The following IRF9 variants were observed in gnomAD, a reference collection of about 807,000 sequenced individuals.
IRF9 encodes interferon regulatory factor 9.
A neutral mutation model predicts 44.1 loss-of-function variants in IRF9; 13 were observed. That is an observed-to-expected ratio of 0.29 (90% CI 0.19 to 0.47). IRF9 has a LOEUF of 0.47. Among genes scored for constraint, IRF9 ranks in the 20% least tolerant of loss-of-function variants. IRF9 has a pLI of 1.00. For missense variants in IRF9, 373 were observed against 496.1 expected (o/e 0.75, Z 2.36); for synonymous variants, 189 against 188.5 (o/e 1.00, Z -0.02).
intron 2 of IRF9, 68 bp downstream of exon 2, chr14:24,162,392 C>T (rs764708328): frequency 2.0e-6 from 3 of 1,463,698 alleles, no homozygotes; most frequent in East Asian, 2.3e-5. Context: ...TACACTCATC[C>T]TCGAGCACTT....
intron 7 of IRF9, 110 bp from the exon 8 acceptor site, chr14:24,165,737 G>A: frequency 1.5e-6 from 1 of 688,582 alleles, no homozygotes; most frequent in Non-Finnish European, 2.5e-6. Context: ...TCCTGCTCTG[G>A]CAAGACCCCC....
Position 24,164,425 on chromosome 14 carries a change from A to G in IRF9, c.650-189A>G. 1.6e-6 allele frequency: 1 copy of G among 625,816 alleles called. No homozygotes were observed. Among genetic ancestry groups the G allele is most frequent in the Non-Finnish European group, 2.8e-6 (1 of 359,830 alleles). The allele number at this position is 625,816 out of a possible 1,614,324, so 38.8% of individuals were successfully genotyped here. A position where few individuals can be genotyped will look rare whatever the true frequency, so the allele number is the denominator to read the frequency against. On this transcript the variant is annotated intron_variant, in intron 6 of 8. Coordinates refer to ENST00000396864, the MANE Select transcript of IRF9 (RefSeq NM_006084.5). This position sits in a 1 kb window ranked among gnomAD's most constrained non-coding sequence, Gnocchi z 5.2. ...TCAAGGGACCTTCTAGTAAACTACAAGCCCCTGGGCATTGAGCCCTGAGGC... is the reference window on the plus strand; with the variant it reads ...TCAAGGGACCTTCTAGTAAACTACAGGCCCCTGGGCATTGAGCCCTGAGGC...
chr14:24,163,894 G>A lies in IRF9; in HGVS notation c.512G>A (p.Ser171Asn), dbSNP rs1193188177. 6.3e-6 allele frequency: 10 copies of A among 1,595,336 alleles called. No individual in the cohort carries two copies. The highest frequency in any genetic ancestry group is 7.7e-6 in the Non-Finnish European group (9 of 1,175,504). Residue 171 changes from serine (S) to asparagine (N), a missense_variant, in exon 5 of 9, where the codon AGT becomes AAT. By Grantham distance (46) the Ser-to-Asn change is conservative. Around this residue, in one of 2 missense-constraint regions of IRF9, gnomAD observed 227 missense variants for 255.3 expected, o/e 0.89. Transcript: ENST00000396864. ...TGTCCGCAGGAGGAGGAGGGGGCCA[G>A]TGGGGGAGCAGTCCATTCAGACATT... ...DSLNNEEEGA[S>N]GGAVHSDIGS...
Position 24,164,205 on chromosome 14 carries a change from T to G in IRF9, c.649+71T>G. On this transcript the variant is annotated intron_variant, in intron 6 of 8. Coordinates refer to ENST00000396864, the MANE Select transcript of IRF9 (RefSeq NM_006084.5). This position sits in a 1 kb window ranked among gnomAD's most constrained non-coding sequence, Gnocchi z 5.2. ...TCTTCCACCTTTGACTATGCATGCA[T>G]TATCTAGTCAGTCAGGGCTTACAGC... is the stretch of plus-strand genomic sequence containing the variant. 9.8e-6 allele frequency: 12 copies of G among 1,226,684 alleles called. No individual in the cohort carries two copies. Among genetic ancestry groups the G allele is most frequent in the Non-Finnish European group, 1.4e-5 (12 of 828,418 alleles). The allele number at this position is 1,226,684 out of a possible 1,614,324, so 76.0% of individuals were successfully genotyped here.
In IRF9 at chr14:24,164,127, A is replaced by G; in HGVS notation, c.642A>G (p.Pro214=). 1 of 1,614,100 alleles carries G rather than the reference A, an allele frequency of 6.2e-7. No individual in the cohort carries two copies. The highest frequency in any genetic ancestry group is 1.3e-5 in the African/African-American group (1 of 75,046). ...GGTCCCTGGAGTTTCTGCTTCCTCC[A>G]GAGCCAGGTACGTGGCATTTCTGAC... ...DQRSLEFLLP[P]EPDYSLLLTF... The change falls in exon 6 of 9, where the codon CCA becomes CCG. Residue 214 remains proline (P), a synonymous_variant. Coordinates refer to ENST00000396864, the MANE Select transcript of IRF9 (RefSeq NM_006084.5). The surrounding 1 kb of genome is among the most constrained non-coding windows in gnomAD (Gnocchi z 5.2).
intron 7 of IRF9, chr14:24,165,231 T>G: frequency 1.4e-6 from 1 of 702,076 alleles, no homozygotes; most frequent in Non-Finnish European, 2.6e-6. Flanking sequence ...ACCATCACAC[T>G]GAAGCATGCA....
In IRF9 at chr14:24,161,309, A is replaced by G. The variant is rs1437386806; in HGVS notation, c.-31A>G. 1 of 152,342 alleles carries G rather than the reference A, an allele frequency of 6.6e-6. No homozygotes were observed. Among genetic ancestry groups the G allele is most frequent in the African/African-American group, 2.4e-5 (1 of 41,464 alleles). 9.4% of individuals were successfully genotyped at this position (152,342 alleles called of 1,614,324 possible). A position where few individuals can be genotyped will look rare whatever the true frequency, so the allele number is the denominator to read the frequency against. On this transcript the variant is annotated 5_prime_UTR_variant, in exon 1 of 9. Transcript: ENST00000396864. Reference sequence around the variant, plus strand: ...CCAGGAGTTAAGCTGAGGTCGTCTGAGCCCTGCGACAGCCTGGACAGCAAC... The same window carrying G: ...CCAGGAGTTAAGCTGAGGTCGTCTGGGCCCTGCGACAGCCTGGACAGCAAC...
Position 24,162,151 on chromosome 14 carries a change from T to G in IRF9, c.7T>G (p.Ser3Ala), listed in dbSNP as rs757387116. Residue 3 changes from serine (S) to alanine (A), a missense_variant, in exon 2 of 9, where the codon TCA becomes GCA. Around this residue, in one of 2 missense-constraint regions of IRF9, gnomAD observed 227 missense variants for 255.3 expected, o/e 0.89. Transcript: ENST00000396864. ...GCTCCTATTATCCCCCAGGATGGCA[T>G]CAGGCAGGGCACGCTGCACCCGAAA... MASGRARCTRKLR... is the reference protein window; with the variant it reads MAAGRARCTRKLR... 9 of 1,613,888 alleles carry G rather than the reference T, an allele frequency of 5.6e-6. No homozygotes were observed. The highest frequency in any genetic ancestry group is 7.6e-6 in the Non-Finnish European group (9 of 1,179,872).
chr14:24,162,715 G>T (rs955793358), intron 2 of IRF9: 8 of 472,538 alleles, frequency 1.7e-5, no homozygotes, highest in African/African-American at 1.4e-4. Context: ...CAGGAGAATC[G>T]CTTGAACCAG....
Position 24,163,954 on chromosome 14 carries a change from A to G in IRF9, c.572A>G (p.Gln191Arg). The G allele has an allele frequency of 1.2e-6, 2 of 1,607,750 alleles. No individual in the cohort carries two copies. The highest frequency in any genetic ancestry group is 1.7e-6 in the Non-Finnish European group (2 of 1,177,726). Residue 191 changes from glutamine to arginine, a missense_variant, in exon 5 of 9, where the codon CAG (glutamine) becomes CGG (arginine). By Grantham distance (43) the Gln-to-Arg change is conservative (BLOSUM62 1). Transcript: ENST00000396864. ...AGCAGCAGCAGCAGCCCTGAGCCAC[A>G]GGAAGGTACCACCTGCCCTGCCTCT... is the stretch of plus-strand genomic sequence containing the variant. The part of the protein sequence containing the change: ...SSSSSSSPEP[Q>R]EVTDTTEAPF...
intron 1 of IRF9, 146 bp downstream of exon 1, chr14:24,161,484 T>TGAGA (rs1189176337): frequency 6.6e-6 from 1 of 152,542 alleles, no homozygotes; most frequent in African/African-American, 2.4e-5. Context: ...AGATTCAGCC[T>TGAGA]GAGAGTGAGA....
In IRF9 at chr14:24,164,654, G is replaced by C. The variant is rs1341660831; in HGVS notation, c.690G>C (p.Val230=). 11 of 1,612,322 alleles carry C rather than the reference G, an allele frequency of 6.8e-6. No individual in the cohort carries two copies. Among genetic ancestry groups the C allele is most frequent in the Non-Finnish European group, 7.6e-6 (9 of 1,178,914 alleles). ...LLLTFIYNGR[V]VGEAQVQSLD... Reference sequence around the variant, plus strand: ...TCACCTTCATCTACAACGGGCGCGTGGTGGGCGAGGCCCAGGTGCAAAGCC... The same window carrying C: ...TCACCTTCATCTACAACGGGCGCGTCGTGGGCGAGGCCCAGGTGCAAAGCC... The change falls in exon 7 of 9, where the codon GTG becomes GTC. Residue 230 remains valine, a synonymous_variant. Transcript: ENST00000396864. This position sits in a 1 kb window ranked among gnomAD's most constrained non-coding sequence, Gnocchi z 5.2.
At position 24,164,538 on chromosome 14, in the gene IRF9, G is replaced by T. The variant is rs1435693135; in HGVS notation, c.650-76G>T. ...CTGGCTGGTGTGGGGAGGGGAGGTGGAGTTGTTCCCCTGGGGAGGGGCTGC... is the reference window on the plus strand; with the variant it reads ...CTGGCTGGTGTGGGGAGGGGAGGTGTAGTTGTTCCCCTGGGGAGGGGCTGC... On this transcript the variant is annotated intron_variant, in intron 6 of 8. Transcript: ENST00000396864. This position sits in a 1 kb window ranked among gnomAD's most constrained non-coding sequence, Gnocchi z 5.2. 2.2e-6 allele frequency: 3 copies of T among 1,381,138 alleles called. No individual in the cohort carries two copies. The highest frequency in any genetic ancestry group is 3.0e-6 in the Non-Finnish European group (3 of 1,007,852). The allele number at this position is 1,381,138 out of a possible 1,614,324, so 85.6% of individuals were successfully genotyped here.
At chr14:24,166,052 G>A in intron 8 of IRF9, 70 bp from the exon 9 acceptor site, 1 of 1,577,214 alleles carries the variant, frequency 6.3e-7, no homozygotes, top group Non-Finnish European at 8.7e-7. Context: ...AGTGGGGAAG[G>A]AGCTCCTGGG....
Position 24,164,078 on chromosome 14 carries a change from A to T in IRF9, c.593A>T (p.Glu198Val), listed in dbSNP as rs756253044. 1.2e-6 allele frequency: 2 copies of T among 1,614,116 alleles called. No individual in the cohort carries two copies. Among genetic ancestry groups the T allele is most frequent in the Non-Finnish European group, 1.7e-6 (2 of 1,179,990 alleles). Residue 198 changes from glutamate (E) to valine (V), a missense_variant, in exon 6 of 9, where the codon GAG (glutamate) becomes GTG (valine). Transcript: ENST00000396864. The surrounding 1 kb of genome is among the most constrained non-coding windows in gnomAD (Gnocchi z 5.2). ...PEPQEVTDTTEAPFQGDQRSL... is the reference protein window; with the variant it reads ...PEPQEVTDTTVAPFQGDQRSL... ...TCCCTTCCAGTTACAGACACAACTG[A>T]GGCCCCCTTTCAAGGGGATCAGAGG...
At chr14:24,165,688 T>G in intron 7 of IRF9, 159 bp from the exon 8 acceptor site, 1 of 600,662 alleles carries the variant, frequency 1.7e-6, no homozygotes, top group Non-Finnish European at 3.0e-6. Context: ...TGCACATGGG[T>G]GAGTAGCACT....
chr14:24,165,787 C>T (rs916002247), intron 7 of IRF9, 60 bp from the exon 8 acceptor site: 3 of 1,213,658 alleles, frequency 2.5e-6, no homozygotes, highest in Admixed American at 3.8e-5. Context: ...CTATTGCCTC[C>T]CTGCCTGTGG....
At position 24,165,953 on chromosome 14, in the gene IRF9, C is replaced by T; in HGVS notation, c.1098C>T (p.Ile366=). The T allele has an allele frequency of 6.2e-7, 1 of 1,613,526 alleles. No individual in the cohort carries two copies. Among genetic ancestry groups the T allele is most frequent in the Non-Finnish European group, 8.5e-7 (1 of 1,179,432 alleles). The change falls in exon 8 of 9, where the codon ATC becomes ATT. Residue 366 remains isoleucine, a synonymous_variant. Transcript: ENST00000396864. ...HGSSHTPQNL[I]TVKMEQAFAR... ...CCAGCCATACTCCACAGAATCTTAT[C>T]ACAGTGAAGGTGAGCTCGGAGCAGG...
intron 2 of IRF9, chr14:24,162,742 T>A (rs1053759235): frequency 1.9e-6 from 1 of 514,662 alleles, no homozygotes; most frequent in Non-Finnish European, 3.4e-6. Flanking sequence ...GGAGTTGTAG[T>A]GAGTCGAGAT....
Sources: gnomAD v4.1 joint callset for allele counts on GRCh38, gnomAD v4.1.1 for gene constraint, gnomAD v4.1.1 regional missense constraint, Gnocchi (gnomAD v3.1) non-coding constraint, MANE v1.5 for transcripts, NCBI Gene and HGNC (gene_info 2026-07-23, HGNC 2026-07-21) for gene names.